ERBB4: variants seen among roughly 807,000 people sequenced by gnomAD.
ERBB4 encodes receptor tyrosine-protein kinase erbB-4.
ERBB4 carries 42 observed loss-of-function variants against 158.0 expected under a neutral mutation model. That is an observed-to-expected ratio of 0.27 (90% CI 0.21 to 0.34). The LOEUF (loss-of-function observed/expected upper bound fraction) is 0.34, where lower values mean the gene tolerates loss of function less well. Among genes scored for constraint, ERBB4 ranks in the 10% least tolerant of loss-of-function variants. ERBB4 has a pLI of 1.00. For missense variants in ERBB4, 1,333 were observed against 1,624.1 expected, an observed-to-expected ratio of 0.82 and a Z score of 3.08; for synonymous variants, 583 against 558.7, an observed-to-expected ratio of 1.04 and a Z score of -0.61.
At chr2:211,701,210 C>T (rs1034958268) in intron 12 of ERBB4, among the ~76,000 whole-genome samples, 1 of 152,116 alleles carries the variant, frequency 6.6e-6, no homozygotes, top group African/African-American at 2.4e-5. Context: ...ACACCTTGAA[C>T]ATATACTTCT....
At chr2:211,621,742 C>T (rs921745739) in intron 18 of ERBB4, among the ~76,000 whole-genome samples, 1 of 152,048 alleles carries the variant, frequency 6.6e-6, no homozygotes, top group Admixed American at 6.6e-5. Context: ...AATGGAAGTA[C>T]GTTATAATAC....
intron 18 of ERBB4, among the ~76,000 whole-genome samples, chr2:211,620,976 G>C (rs2069579091): frequency 6.6e-6 from 1 of 151,974 alleles, no homozygotes; most frequent in Non-Finnish European, 1.5e-5. Flanking sequence ...TGAGCTGAGT[G>C]TGCTGGCACA....
chr2:212,512,977 T>C (rs1182025265), intron 1 of ERBB4, among the ~76,000 whole-genome samples: 1 of 152,156 alleles, frequency 6.6e-6, no homozygotes, highest in East Asian at 1.9e-4. Context: ...ATTGTTGCAG[T>C]TTCCCCTATC....
At chr2:211,621,548 A>G (rs2125851935) in intron 18 of ERBB4, among the ~76,000 whole-genome samples, 1 of 152,308 alleles carries the variant, frequency 6.6e-6, no homozygotes. Context: ...CAAGTTAATA[A>G]AGCTTTATTA....
At position 211,380,349 on chromosome 2, in the gene ERBB4, C is replaced by T; in HGVS notation, c.*3266G>A. 1 of 188,190 alleles carries T rather than the reference C, an allele frequency of 5.3e-6. No homozygotes were observed. The highest frequency in any genetic ancestry group is 1.0e-5 in the Non-Finnish European group (1 of 96,098). The allele number at this position is 188,190 out of a possible 1,614,324, so 11.7% of individuals were successfully genotyped here. A position where few individuals can be genotyped will look rare whatever the true frequency, so the allele number is the denominator to read the frequency against. ...CTTTCTTTAGGCAATCATTTAACTGCAAAATTTTTCCATACCTGCCCAAAA... is the reference window on the plus strand; with the variant it reads ...CTTTCTTTAGGCAATCATTTAACTGTAAAATTTTTCCATACCTGCCCAAAA... On this transcript the variant is annotated 3_prime_UTR_variant, in exon 28 of 28. Coordinates refer to ENST00000342788, the MANE Select transcript of ERBB4 (RefSeq NM_005235.3).
intron 20 of ERBB4, among the ~76,000 whole-genome samples, chr2:211,506,525 T>G (rs1559237652): frequency 6.6e-6 from 1 of 150,880 alleles, no homozygotes; most frequent in Non-Finnish European, 1.5e-5. Flanking sequence ...ATAAGGCAAG[T>G]CTTAATGAAT....
chr2:211,776,507 A>C (rs1015884425), intron 4 of ERBB4, among the ~76,000 whole-genome samples: 7 of 152,140 alleles, frequency 4.6e-5, no homozygotes, highest in Non-Finnish European at 7.3e-5. Context: ...GGATACTTGC[A>C]TGTGTAATCT....
chr2:211,680,841 G>C (rs937169260), intron 12 of ERBB4, among the ~76,000 whole-genome samples: 1 of 152,110 alleles, frequency 6.6e-6, no homozygotes, highest in Non-Finnish European at 1.5e-5. Context: ...GTGTATCTGT[G>C]TCTGTGTGCA....
chr2:211,654,846 G>A (rs1049569858), intron 16 of ERBB4, among the ~76,000 whole-genome samples: 15 of 152,114 alleles, frequency 9.9e-5, no homozygotes, highest in South Asian at 4.1e-4. Flanking sequence ...TGTACTTTCT[G>A]TATTATCTAC....
At chr2:212,407,475 T>C (rs2091379286) in intron 1 of ERBB4, among the ~76,000 whole-genome samples, 2 of 152,086 alleles carry the variant, frequency 1.3e-5, no homozygotes, top group Admixed American at 1.3e-4. Flanking sequence ...ACAAAGCTAG[T>C]AAATGACAAA....
At chr2:212,286,596 T>TGTTTTTTTTTTTGTTTTG (rs200822862) in intron 1 of ERBB4, among the ~76,000 whole-genome samples, 1,689 of 90,940 alleles carry the variant, frequency 0.019, 217 homozygotes, top group South Asian at 0.025. Context: ...AGTGCTGACT[T>TGTTTTTTTTTTTGTTTTG]TTTTTTTTTT....
chr2:211,950,222 C>T (rs1428652540), intron 2 of ERBB4, among the ~76,000 whole-genome samples: 2 of 152,146 alleles, frequency 1.3e-5, no homozygotes, highest in Non-Finnish European at 2.9e-5. Flanking sequence ...GCAGATTGTG[C>T]CACCAATGTG....
At chr2:212,517,264 A>T (rs1691902570) in intron 1 of ERBB4, among the ~76,000 whole-genome samples, 1 of 152,108 alleles carries the variant, frequency 6.6e-6, no homozygotes, top group Non-Finnish European at 1.5e-5. Flanking sequence ...TGTGAAGTAG[A>T]TGATATTGTC....
At chr2:211,977,445 C>T (rs1051651383) in intron 2 of ERBB4, among the ~76,000 whole-genome samples, 1 of 149,460 alleles carries the variant, frequency 6.7e-6, no homozygotes, top group East Asian at 2.0e-4. Context: ...ACAACTTTCC[C>T]AATTCTTTGC....
chr2:211,918,513 T>G (rs1377799719), intron 3 of ERBB4, among the ~76,000 whole-genome samples: 1 of 152,058 alleles, frequency 6.6e-6, no homozygotes, highest in African/African-American at 2.4e-5. Context: ...TATATGAAAT[T>G]TAACTGTACC....
At position 211,607,888 on chromosome 2, in the gene ERBB4, T is replaced by TA. The variant is rs2069046965; in HGVS notation, c.2301+11288dup. 2.4e-4 allele frequency among the ~76,000 whole-genome samples: 29 copies of TA among 118,858 alleles called. 1 individual carries two copies. Among genetic ancestry groups the TA allele is most frequent in the South Asian group, 1.1e-3 (4 of 3,682 alleles). The allele number at this position is 118,858 out of a possible 152,430, so 78.0% of individuals were successfully genotyped here. ...AGATTTTTTTTTTTTTTTTTTTTTT[T>TA]AGACAGGGTCTCACTCTGTCTCCCA... On this transcript the variant is annotated intron_variant, in intron 19 of 27. Coordinates refer to ENST00000342788, the MANE Select transcript of ERBB4 (RefSeq NM_005235.3).
rs540305856 is a variant in ERBB4, at chr2:212,012,692, C to A, written c.235-65076G>T. 2.0e-5 allele frequency among the ~76,000 whole-genome samples: 3 copies of A among 152,200 alleles called. No individual in the cohort carries two copies. The South Asian group carries it at 6.2e-4, about 32-fold the overall frequency. On this transcript the variant is annotated intron_variant, in intron 2 of 27. Coordinates refer to ENST00000342788, the MANE Select transcript of ERBB4 (RefSeq NM_005235.3). ...TCTCCCAAAGCACTAGGACCACAGG[C>A]GTGAGCCACCATGCCCAAACTTTTT...
intron 1 of ERBB4, among the ~76,000 whole-genome samples, chr2:212,413,535 T>C (rs556688415): frequency 2.6e-4 from 40 of 152,274 alleles, no homozygotes; most frequent in African/African-American, 9.4e-4. Flanking sequence ...ATTGGAAGAA[T>C]ACAACTGTAA....
intron 5 of ERBB4, among the ~76,000 whole-genome samples, chr2:211,730,198 T>C (rs536077703): frequency 3.3e-5 from 5 of 151,990 alleles, no homozygotes; most frequent in Admixed American, 1.3e-4. Context: ...AATACTGTGA[T>C]TAAAGTTACT....
Sources: gnomAD v4.1 joint callset for allele counts (sites outside exome capture counted in the v4.1 genomes callset) on GRCh38, gnomAD v4.1.1 for gene constraint, MANE v1.5 for transcripts, NCBI Gene and HGNC (gene_info 2026-07-23, HGNC 2026-07-21) for gene names.